Variants in NRCAM observed in about 807,000 individuals in gnomAD.
NRCAM encodes the protein neuronal cell adhesion molecule, also known as NgCAM-related cell adhesion molecule.
A neutral mutation model predicts 156.5 loss-of-function variants in NRCAM; 83 were observed. The ratio of observed to expected loss-of-function variants is 0.53; its 90% CI spans 0.44 to 0.64. NRCAM has a LOEUF of 0.64. Ranked by LOEUF, NRCAM falls within the 30% of genes least tolerant of loss-of-function variation. The probability of loss-of-function intolerance (pLI) is 0.00; values close to 1 mark genes in which losing one functional copy is unlikely to be tolerated. For synonymous variants in NRCAM, 538 were observed against 563.9 expected, an observed-to-expected ratio of 0.95 and a Z score of 0.65; for missense variants, 1,417 against 1,597.3, an observed-to-expected ratio of 0.89 and a Z score of 1.92.
chr7:108,166,961 A>G lies in NRCAM; in HGVS notation c.3426T>C (p.Ser1142=), dbSNP rs776300497. 6.2e-7 allele frequency: 1 copy of G among 1,613,942 alleles called. No individual in the cohort carries two copies. The highest frequency in any genetic ancestry group is 8.5e-7 in the Non-Finnish European group (1 of 1,179,876). Residue 1142 remains serine, a synonymous_variant, in exon 30 of 33, where the codon TCT becomes TCC. Coordinates refer to ENST00000379028, the MANE Select transcript of NRCAM (RefSeq NM_001037132.4). ...ACACATCCTCTGAACTCACAAAACC[A>G]GAGTCCCCCACAGCACCAACTCGAA... ...YKVRVGAVGD[S]GFVSSEDVFE... is the part of the protein sequence containing the mutation.
chr7:108,414,095 G>C (rs1483070465), intron 1 of NRCAM, among the ~76,000 whole-genome samples: 1 of 152,218 alleles, frequency 6.6e-6, no homozygotes, highest in Admixed American at 6.5e-5. Flanking sequence ...GCTGATCAGA[G>C]GGTCATGGTA....
intron 26 of NRCAM, among the ~76,000 whole-genome samples, chr7:108,177,645 A>ACG (rs2061284356): frequency 6.4e-5 from 1 of 15,674 alleles, no homozygotes; most frequent in African/African-American, 1.1e-4. Context: ...ATATATATAT[A>ACG]TATATATATA....
chr7:108,280,543 C>T (rs2097815345), intron 3 of NRCAM, among the ~76,000 whole-genome samples: 1 of 152,074 alleles, frequency 6.6e-6, no homozygotes, highest in Non-Finnish European at 1.5e-5. Context: ...AAGATGAAAC[C>T]CTAAATATAT....
intron 3 of NRCAM, among the ~76,000 whole-genome samples, chr7:108,265,614 ATACATATTAAGCACT>A (rs960968053): frequency 6.6e-6 from 1 of 152,228 alleles, no homozygotes; most frequent in Non-Finnish European, 1.5e-5. Context: ...ATAATAGTCA[ATACATATTAAGCACT>A]TACTGTGTGC....
chr7:108,435,912 C>A (rs1831500567), intron 1 of NRCAM, among the ~76,000 whole-genome samples: 1 of 152,214 alleles, frequency 6.6e-6, no homozygotes, highest in African/African-American at 2.4e-5. Flanking sequence ...GCGGGTGGAT[C>A]ACGAGGGTAG....
In NRCAM at chr7:108,359,165, C is replaced by G. The variant is rs571961951; in HGVS notation, c.-174+40271G>C. On this transcript the variant is annotated intron_variant, in intron 2 of 32. Transcript: ENST00000379028. ...CCTTCCAATCCATCAATCTATTCATCCATTCATCCATCCATCCATTTAATC... is the reference window on the plus strand; with the variant it reads ...CCTTCCAATCCATCAATCTATTCATGCATTCATCCATCCATCCATTTAATC... Among the ~76,000 whole-genome samples the G allele has an allele frequency of 8.5e-5, 13 of 152,322 alleles. No homozygotes were observed. In the South Asian group the frequency reaches 2.3e-3, roughly 27 times the overall value.
At chr7:108,315,937 T>G (rs1372170031) in intron 2 of NRCAM, among the ~76,000 whole-genome samples, 2 of 152,248 alleles carry the variant, frequency 1.3e-5, no homozygotes, top group South Asian at 4.1e-4. Context: ...ATTACATTGA[T>G]AGAGGACATG....
intron 2 of NRCAM, among the ~76,000 whole-genome samples, chr7:108,397,090 A>G (rs974092829): frequency 1.3e-5 from 2 of 152,212 alleles, no homozygotes; most frequent in African/African-American, 4.8e-5. Flanking sequence ...TTACAGCTCA[A>G]TAAAGATTTA....
chr7:108,218,579 C>T (rs548601169), intron 11 of NRCAM, among the ~76,000 whole-genome samples: 141 of 152,156 alleles, frequency 9.3e-4, no homozygotes, highest in Admixed American at 1.6e-3. Flanking sequence ...TGCAAAAACA[C>T]GGAAATTAAA....
chr7:108,249,682 T>C (rs775283558), intron 3 of NRCAM, among the ~76,000 whole-genome samples: 19 of 152,212 alleles, frequency 1.2e-4, no homozygotes, highest in Non-Finnish European at 2.4e-4. Context: ...CACAAAAGCA[T>C]GAATGTTAGA....
At chr7:108,355,692 G>A (rs1193716036) in intron 2 of NRCAM, among the ~76,000 whole-genome samples, 1 of 152,140 alleles carries the variant, frequency 6.6e-6, no homozygotes, top group Non-Finnish European at 1.5e-5. Flanking sequence ...ACTGTACTGT[G>A]CTGTAGGCTC....
chr7:108,433,385 A>G (rs140012697), intron 1 of NRCAM, among the ~76,000 whole-genome samples: 21 of 152,260 alleles, frequency 1.4e-4, no homozygotes, highest in African/African-American at 4.8e-4. Context: ...TACCTGGATC[A>G]AGGTCTAGAA....
intron 2 of NRCAM, among the ~76,000 whole-genome samples, chr7:108,392,339 T>A (rs972702233): frequency 3.3e-5 from 5 of 152,236 alleles, no homozygotes; most frequent in Non-Finnish European, 2.9e-5. Flanking sequence ...CAATCACTGA[T>A]ACCCTTTCTT....
chr7:108,392,756 G>T (rs552500883), intron 2 of NRCAM, among the ~76,000 whole-genome samples: 1 of 152,238 alleles, frequency 6.6e-6, no homozygotes, highest in African/African-American at 2.4e-5. Flanking sequence ...TGGTGTGGAT[G>T]TCGTTTCTGT....
chr7:108,271,818 T>C (rs1271048765), intron 3 of NRCAM, among the ~76,000 whole-genome samples: 1 of 152,184 alleles, frequency 6.6e-6, no homozygotes, highest in African/African-American at 2.4e-5. Flanking sequence ...CTGTTAAAAC[T>C]TCTTGGGAGA....
At chr7:108,177,668 C>CGTGTATATATATAT (rs1491191779) in intron 26 of NRCAM, among the ~76,000 whole-genome samples, 6 of 14,496 alleles carry the variant, frequency 4.1e-4, no homozygotes, top group African/African-American at 7.0e-4. Context: ...TATGTATATA[C>CGTGTATATATATAT]GTGTATATAT....
chr7:108,365,961 G>A (rs1225311939), intron 2 of NRCAM, among the ~76,000 whole-genome samples: 1 of 152,188 alleles, frequency 6.6e-6, no homozygotes, highest in Non-Finnish European at 1.5e-5. Context: ...ATAGCGTTAT[G>A]AGCGGAGGCC....
intron 2 of NRCAM, among the ~76,000 whole-genome samples, chr7:108,380,425 T>C (rs1369664947): frequency 2.0e-5 from 3 of 152,166 alleles, no homozygotes; most frequent in African/African-American, 7.2e-5. Context: ...TAAACTTCGG[T>C]TATTTGTTTT....
At chr7:108,430,690 A>G (rs1823887702) in intron 1 of NRCAM, among the ~76,000 whole-genome samples, 1 of 152,036 alleles carries the variant, frequency 6.6e-6, no homozygotes, top group Non-Finnish European at 1.5e-5. Flanking sequence ...ACACACACAC[A>G]CCTCTTTGCC....
Sources: gnomAD v4.1 joint callset for allele counts (sites outside exome capture counted in the v4.1 genomes callset) on GRCh38, gnomAD v4.1.1 for gene constraint, MANE v1.5 for transcripts, NCBI Gene and HGNC (gene_info 2026-07-23, HGNC 2026-07-21) for gene names.